The following RIMS1 variants were observed in gnomAD, a reference collection of about 807,000 sequenced individuals.
The protein encoded by RIMS1 is regulating synaptic membrane exocytosis 1.
Under a neutral mutation model 214.1 loss-of-function variants are expected in RIMS1, and 83 were observed. That is an observed-to-expected ratio of 0.39 (90% confidence interval 0.32 to 0.47). The LOEUF (loss-of-function observed/expected upper bound fraction) is 0.47, where lower values mean the gene tolerates loss of function less well. RIMS1 is among the 20% of genes least tolerant of loss of function. RIMS1 has a pLI of 0.99. For synonymous variants in RIMS1, 793 were observed against 786.8 expected (o/e 1.01, Z -0.13); for missense variants, 2,050 against 2,161.8 (o/e 0.95, Z 1.03).
At chr6:72,040,688 A>G (rs1821196671) in intron 2 of RIMS1, among the ~76,000 whole-genome samples, 1 of 151,948 alleles carries the variant, frequency 6.6e-6, no homozygotes, top group Non-Finnish European at 1.5e-5. Context: ...AGTACCATAC[A>G]CTAGCACCTA....
chr6:71,917,081 C>T (rs1348760925), intron 1 of RIMS1, among the ~76,000 whole-genome samples: 1 of 152,112 alleles, frequency 6.6e-6, no homozygotes, highest in Non-Finnish European at 1.5e-5. Context: ...TTTTTAACCT[C>T]TCTGTGCTTG....
intron 1 of RIMS1, among the ~76,000 whole-genome samples, chr6:71,931,733 A>G (rs1265426414): frequency 6.6e-6 from 1 of 152,036 alleles, no homozygotes; most frequent in Admixed American, 6.6e-5. Context: ...TTTGCTGTGA[A>G]GAAGCTCTTT....
intron 4 of RIMS1, among the ~76,000 whole-genome samples, chr6:72,145,953 G>A (rs1000062504): frequency 2.6e-5 from 4 of 152,138 alleles, no homozygotes; most frequent in South Asian, 2.1e-4. Context: ...AAACAAATAC[G>A]CTGGAAATTT....
chr6:72,369,586 C>T (rs1014911763), intron 29 of RIMS1, among the ~76,000 whole-genome samples: 1 of 152,196 alleles, frequency 6.6e-6, no homozygotes, highest in African/African-American at 2.4e-5. Context: ...GGACTCTGCT[C>T]TTAAGGGCTT....
intron 4 of RIMS1, among the ~76,000 whole-genome samples, chr6:72,176,847 A>C (rs948195563): frequency 6.6e-6 from 1 of 152,224 alleles, no homozygotes. Flanking sequence ...CTTTTGAATA[A>C]ACTGGAAATG....
At chr6:72,170,437 A>C (rs1035141295) in intron 4 of RIMS1, among the ~76,000 whole-genome samples, 1 of 152,080 alleles carries the variant, frequency 6.6e-6, no homozygotes, top group African/African-American at 2.4e-5. Flanking sequence ...TCTGCCTCCC[A>C]GGTTCAAGCG....
intron 1 of RIMS1, among the ~76,000 whole-genome samples, chr6:71,952,812 G>T (rs573518718): frequency 6.6e-6 from 1 of 151,982 alleles, no homozygotes; most frequent in Non-Finnish European, 1.5e-5. Flanking sequence ...TCTCAGCTGG[G>T]GTTACTCATG....
intron 1 of RIMS1, among the ~76,000 whole-genome samples, chr6:71,966,821 A>C (rs950874909): frequency 1.3e-5 from 2 of 149,514 alleles, no homozygotes; most frequent in African/African-American, 4.9e-5. Context: ...CATGCCCAGC[A>C]GATAGGGCCT....
intron 4 of RIMS1, among the ~76,000 whole-genome samples, chr6:72,134,231 A>G (rs1180874922): frequency 6.6e-6 from 1 of 152,132 alleles, no homozygotes. Flanking sequence ...TTATAGGGTA[A>G]TGTTTAAGCC....
chr6:72,335,964 G>T (rs2096830569), intron 29 of RIMS1, among the ~76,000 whole-genome samples: 2 of 151,828 alleles, frequency 1.3e-5, no homozygotes, highest in Admixed American at 1.3e-4. Context: ...CTAGATTCTG[G>T]TTATTAGCCC....
chr6:72,014,791 T>A (rs1032407446), intron 2 of RIMS1, among the ~76,000 whole-genome samples: 1 of 152,206 alleles, frequency 6.6e-6, no homozygotes, highest in Non-Finnish European at 1.5e-5. Context: ...TCTTAGTGGG[T>A]GTGAAGTGAT....
intron 2 of RIMS1, among the ~76,000 whole-genome samples, chr6:72,065,925 GAA>G (rs11396474): frequency 1.3e-4 from 15 of 112,870 alleles, no homozygotes; most frequent in African/African-American, 9.8e-5. Flanking sequence ...ATGAGAAGCC[GAA>G]AAAAAAAAAA....
At chr6:72,365,716 G>A (rs1161042524) in intron 29 of RIMS1, 1 of 152,162 alleles carries the variant, frequency 6.6e-6, no homozygotes, top group Non-Finnish European at 1.5e-5. Context: ...CAGCCCTGGA[G>A]GGAAAAAGAG....
intron 28 of RIMS1, among the ~76,000 whole-genome samples, chr6:72,316,001 A>G (rs924924661): frequency 1.3e-5 from 2 of 152,156 alleles, no homozygotes; most frequent in Non-Finnish European, 2.9e-5. Flanking sequence ...TAATGATAGA[A>G]TATATTTACA....
chr6:71,994,143 C>A (rs1802699833), intron 2 of RIMS1, among the ~76,000 whole-genome samples: 1 of 152,072 alleles, frequency 6.6e-6, no homozygotes, highest in Non-Finnish European at 1.5e-5. Flanking sequence ...CCCCTAGCTA[C>A]TTTTGTTTAT....
At chr6:72,226,125 G>A (rs2060100154) in intron 6 of RIMS1, among the ~76,000 whole-genome samples, 1 of 152,120 alleles carries the variant, frequency 6.6e-6, no homozygotes, top group Admixed American at 6.5e-5. Context: ...ACTAAGTTGT[G>A]TGCGCATGCA....
At chr6:72,355,958 A>T (rs185742588) in intron 29 of RIMS1, among the ~76,000 whole-genome samples, 1 of 152,298 alleles carries the variant, frequency 6.6e-6, no homozygotes, top group Non-Finnish European at 1.5e-5. Context: ...CTAGATACTT[A>T]TTTGGCTTAG....
chr6:71,919,165 T>C (rs17567285), intron 1 of RIMS1, among the ~76,000 whole-genome samples: 42,078 of 151,958 alleles, frequency 0.28, 6,145 homozygotes, highest in South Asian at 0.38. Flanking sequence ...AAGGGCACTT[T>C]ATATTTGTTT....
intron 2 of RIMS1, among the ~76,000 whole-genome samples, chr6:72,062,691 C>G (rs1424981434): frequency 6.6e-6 from 1 of 152,106 alleles, no homozygotes; most frequent in Non-Finnish European, 1.5e-5. Context: ...AAATGTATTG[C>G]CGCACAGTGC....
Sources: gnomAD v4.1 joint callset for allele counts (sites outside exome capture counted in the v4.1 genomes callset) on GRCh38, gnomAD v4.1.1 for gene constraint, MANE v1.5 for transcripts, NCBI Gene and HGNC (gene_info 2026-07-23, HGNC 2026-07-21) for gene names.